Variants in ADCK2 observed in about 807,000 individuals in gnomAD.
ADCK2 encodes aarF domain containing kinase 2.
In ADCK2, 37 loss-of-function variants were observed where a neutral mutation model predicts 52.3. That is an observed-to-expected ratio of 0.71 (90% confidence interval 0.54 to 0.93). ADCK2 has a LOEUF of 0.93. Among genes scored for constraint, ADCK2 ranks in the 40% least tolerant of loss-of-function variants. The pLI is 0.00. For missense variants in ADCK2, 695 were observed against 798.7 expected, an observed-to-expected ratio of 0.87 and a Z score of 1.56; for synonymous variants, 321 against 349.2, an observed-to-expected ratio of 0.92 and a Z score of 0.90.
At position 140,694,795 on chromosome 7, in the gene ADCK2, C is replaced by A. The variant is rs754286018; in HGVS notation, c.1873C>A (p.Pro625Thr). Residue 625 changes from proline (P) to threonine (T), a missense_variant, in exon 8 of 8, where the codon CCC (proline) becomes ACC (threonine). By Grantham distance (38) the Pro-to-Thr change is conservative. Coordinates refer to ENST00000072869, the MANE Select transcript of ADCK2 (RefSeq NM_052853.4). ...RPFLLTGPVC[P>T]P ...CTTCCTCCTCACGGGCCCAGTGTGC[C>A]CCCCGTGATGGGGCAGTGGCCTCTG... 20 of 1,612,606 alleles carry A rather than the reference C, an allele frequency of 1.2e-5. No individual in the cohort carries two copies. The highest frequency in any genetic ancestry group is 1.7e-5 in the Admixed American group (1 of 59,828).
intron 4 of ADCK2, 91 bp from the exon 5 acceptor site, chr7:140,686,899 G>A: frequency 6.5e-7 from 1 of 1,529,838 alleles, no homozygotes; most frequent in Non-Finnish European, 8.9e-7. Flanking sequence ...TAGAGTGCTG[G>A]GAGCTTATTG....
rs543487312 is a variant in ADCK2, at chr7:140,678,972, T to TG, written c.1081-180dup. Among the ~76,000 whole-genome samples, 16 of 152,276 alleles carry TG rather than the reference T, an allele frequency of 1.1e-4. No homozygotes were observed. In the South Asian group the frequency reaches 3.3e-3, roughly 32 times the overall value. ...GCCTCCAGGAGTTCACACAGAGATC[T>TG]GGGATTGCTGGGGCAGGCTGTAGCC... On this transcript the variant is annotated intron_variant, in intron 2 of 7. Transcript: ENST00000072869. The surrounding 1 kb of genome is among the most constrained non-coding windows in gnomAD (Gnocchi z 4.9).
chr7:140,692,410 T>C (rs1794724858), intron 7 of ADCK2, among the ~76,000 whole-genome samples: 1 of 152,204 alleles, frequency 6.6e-6, no homozygotes, highest in Admixed American at 6.5e-5. Context: ...GAGGCTGGAG[T>C]GCAGTGGTGC....
chr7:140,674,151 A>G lies in ADCK2; in HGVS notation c.821A>G (p.Glu274Gly), dbSNP rs1801691199. 1 of 1,614,056 alleles carries G rather than the reference A, an allele frequency of 6.2e-7. No homozygotes were observed. The highest frequency in any genetic ancestry group is 1.6e-4 in the Middle Eastern group (1 of 6,062). ...PENLADQSFLERLLLPKADLV... is the reference protein window; with the variant it reads ...PENLADQSFLGRLLLPKADLV... ...AATCTCGCAGACCAGTCGTTTCTAG[A>G]AAGGCTGCTCCTCCCTAAAGCTGAC... is the stretch of plus-strand genomic sequence containing the variant. Residue 274 changes from glutamate (E) to glycine (G), a missense_variant, in exon 1 of 8, where the codon GAA becomes GGA. Glu to Gly is a moderately conservative substitution (Grantham distance 98). Transcript: ENST00000072869. This position sits in a 1 kb window ranked among gnomAD's most constrained non-coding sequence, Gnocchi z 4.6.
Position 140,673,280 on chromosome 7 carries a change from G to A in ADCK2, c.-51G>A. On this transcript the variant is annotated 5_prime_UTR_variant, in exon 1 of 8. Coordinates refer to ENST00000072869, the MANE Select transcript of ADCK2 (RefSeq NM_052853.4). This position sits in a 1 kb window ranked among gnomAD's most constrained non-coding sequence, Gnocchi z 6.4. ...GGCTTCACCGCAGCCTCGCCTGAGC[G>A]GGCGCCTCTGAAGTGGAGGGCGGGC... 2.9e-6 allele frequency: 4 copies of A among 1,384,784 alleles called. No individual in the cohort carries two copies. Among genetic ancestry groups the A allele is most frequent in the South Asian group, 3.3e-5 (2 of 60,850 alleles). The allele number at this position is 1,384,784 out of a possible 1,614,324, so 85.8% of individuals were successfully genotyped here.
intron 4 of ADCK2, among the ~76,000 whole-genome samples, chr7:140,683,947 G>T (rs1240169678): frequency 6.6e-6 from 1 of 152,210 alleles, no homozygotes; most frequent in Non-Finnish European, 1.5e-5. Context: ...GTGAACTAAG[G>T]GGCCATTGTT....
At chr7:140,691,208 G>T (rs1184985321) in intron 7 of ADCK2, among the ~76,000 whole-genome samples, 1 of 152,216 alleles carries the variant, frequency 6.6e-6, no homozygotes, top group African/African-American at 2.4e-5. Context: ...TTACAGGCGT[G>T]AGCCACTGTG....
chr7:140,674,046 C>G lies in ADCK2; in HGVS notation c.716C>G (p.Pro239Arg), dbSNP rs1317115461. 15 of 1,613,988 alleles carry G rather than the reference C, an allele frequency of 9.3e-6. No homozygotes were observed. Among genetic ancestry groups the G allele is most frequent in the African/African-American group, 1.3e-5 (1 of 74,918 alleles). Residue 239 changes from proline to arginine, a missense_variant, in exon 1 of 8, where the codon CCG becomes CGG. By Grantham distance (103) the Pro-to-Arg change is moderately radical. Coordinates refer to ENST00000072869, the MANE Select transcript of ADCK2 (RefSeq NM_052853.4). This position sits in a 1 kb window ranked among gnomAD's most constrained non-coding sequence, Gnocchi z 4.6. ...VQRLGRASCL[P>R]PFSHTGAVGG... The stretch of plus-strand genomic sequence containing the variant: ...AGACTTGGCAGGGCCTCCTGTCTGC[C>G]GCCCTTCTCACATACTGGGGCAGTC...
chr7:140,686,898 G>A, intron 4 of ADCK2, 92 bp from the exon 5 acceptor site: 1 of 1,526,092 alleles, frequency 6.6e-7, no homozygotes, highest in Non-Finnish European at 8.9e-7. Flanking sequence ...ATAGAGTGCT[G>A]GGAGCTTATT....
At chr7:140,689,930 G>A (rs953344363) in intron 6 of ADCK2, among the ~76,000 whole-genome samples, 1 of 152,150 alleles carries the variant, frequency 6.6e-6, no homozygotes, top group Non-Finnish European at 1.5e-5. Context: ...CACTTAGGAG[G>A]CTGCAGCTCC....
chr7:140,678,287 G>T lies in ADCK2; in HGVS notation c.1081-868G>T, dbSNP rs1794454113. Among the ~76,000 whole-genome samples, 1 of 152,174 alleles carries T rather than the reference G, an allele frequency of 6.6e-6. No homozygotes were observed. The highest frequency in any genetic ancestry group is 2.4e-5 in the African/African-American group (1 of 41,432). On this transcript the variant is annotated intron_variant, in intron 2 of 7. Coordinates refer to ENST00000072869, the MANE Select transcript of ADCK2 (RefSeq NM_052853.4). This position sits in a 1 kb window ranked among gnomAD's most constrained non-coding sequence, Gnocchi z 4.9. The stretch of plus-strand genomic sequence containing the variant: ...GGACTCAAAGGTGACTGAGTGCGTG[G>T]GGATGGTGAAGGGAAATTCCATTTA...
At chr7:140,677,280 C>T (rs868098060) in intron 2 of ADCK2, among the ~76,000 whole-genome samples, 17 of 152,056 alleles carry the variant, frequency 1.1e-4, no homozygotes, top group South Asian at 2.1e-4. Context: ...TGGTGGCACA[C>T]GCTTGTAATC....
Position 140,693,703 on chromosome 7 carries a change from T to C in ADCK2, c.1741-960T>C, listed in dbSNP as rs1794746511. On this transcript the variant is annotated intron_variant, in intron 7 of 7. Transcript: ENST00000072869. This position sits in a 1 kb window ranked among gnomAD's most constrained non-coding sequence, Gnocchi z 4.0. ...CCTGTTTGAGCAGTCAATTGTGTGT[T>C]GTCTCTGATTTTTTTTATTTTTTTG... 1.3e-5 allele frequency among the ~76,000 whole-genome samples: 2 copies of C among 152,290 alleles called. No homozygotes were observed. The highest frequency in any genetic ancestry group is 4.1e-4 in the South Asian group (2 of 4,820).
chr7:140,677,406 TAA>T (rs750949747), intron 2 of ADCK2, among the ~76,000 whole-genome samples: 42 of 133,578 alleles, frequency 3.1e-4, no homozygotes, highest in Admixed American at 3.8e-4. Flanking sequence ...AGACTCCATC[TAA>T]AAAAAAAAAA....
chr7:140,684,715 G>A (rs548333810), intron 4 of ADCK2, among the ~76,000 whole-genome samples: 5 of 152,288 alleles, frequency 3.3e-5, no homozygotes, highest in South Asian at 2.1e-4. Context: ...ACGCACATGC[G>A]GAAGGCTGAG....
chr7:140,683,680 G>A (rs1794555615), intron 4 of ADCK2, among the ~76,000 whole-genome samples: 1 of 152,170 alleles, frequency 6.6e-6, no homozygotes, highest in Non-Finnish European at 1.5e-5. Flanking sequence ...CAGAGCCGTG[G>A]TTTACAACAG....
Position 140,674,056 on chromosome 7 carries a change from A to G in ADCK2, c.726A>G (p.Ser242=). 6.2e-7 allele frequency: 1 copy of G among 1,614,112 alleles called. No homozygotes were observed. Among genetic ancestry groups the G allele is most frequent in the Middle Eastern group, 1.6e-4 (1 of 6,062 alleles). ...GGGCCTCCTGTCTGCCGCCCTTCTC[A>G]CATACTGGGGCAGTCGGTGGGCTGA... The part of the protein sequence containing the change: ...LGRASCLPPF[S]HTGAVGGLRE... The change falls in exon 1 of 8, where the codon TCA becomes TCG. Residue 242 remains serine, a synonymous_variant. Coordinates refer to ENST00000072869, the MANE Select transcript of ADCK2 (RefSeq NM_052853.4). The surrounding 1 kb of genome is among the most constrained non-coding windows in gnomAD (Gnocchi z 4.6).
chr7:140,684,655 C>T (rs1311949385), intron 4 of ADCK2, among the ~76,000 whole-genome samples: 3 of 152,148 alleles, frequency 2.0e-5, no homozygotes, highest in East Asian at 1.9e-4. Context: ...CTGGAGTCCC[C>T]GCAGCAGGGG....
chr7:140,684,291 C>T (rs1002098091), intron 4 of ADCK2, among the ~76,000 whole-genome samples: 3 of 152,140 alleles, frequency 2.0e-5, no homozygotes, highest in Non-Finnish European at 4.4e-5. Context: ...AAGTGCCTTC[C>T]TCATAGGGTC....
Sources: allele counts gnomAD v4.1 joint callset (sites outside exome capture counted in the v4.1 genomes callset), GRCh38; gene constraint gnomAD v4.1.1; non-coding constraint Gnocchi (gnomAD v3.1); transcripts MANE v1.5; gene names NCBI Gene and HGNC (gene_info 2026-07-23, HGNC 2026-07-21).